The following A2M variants were observed in gnomAD, a reference collection of about 807,000 sequenced individuals.
A2M encodes the protein C3 and PZP-like alpha-2-macroglobulin domain-containing protein 5.
Under a neutral mutation model 183.9 loss-of-function variants are expected in A2M, and 128 were observed. The observed-to-expected ratio is 0.70, with a 90% CI of 0.60 to 0.81. A2M has a LOEUF of 0.81. A2M is among the 30% of genes least tolerant of loss of function. The probability of loss-of-function intolerance (pLI) is 0.00; values close to 1 mark genes in which losing one functional copy is unlikely to be tolerated. For synonymous variants in A2M, 592 were observed against 670.8 expected, an observed-to-expected ratio of 0.88 and a Z score of 1.81; for missense variants, 1,495 against 1,787.6, an observed-to-expected ratio of 0.84 and a Z score of 2.95.
intron 1 of A2M, among the ~76,000 whole-genome samples, chr12:9,114,550 T>C (rs1178691164): frequency 6.6e-6 from 1 of 152,098 alleles, no homozygotes; most frequent in Non-Finnish European, 1.5e-5. Context: ...ATTTAATATC[T>C]TTCTCTTCTT....
At chr12:9,110,600 G>GATA (rs1297242441) in intron 4 of A2M, among the ~76,000 whole-genome samples, 1 of 151,456 alleles carries the variant, frequency 6.6e-6, no homozygotes. Flanking sequence ...TAATGATATG[G>GATA]ATAATGATAA....
chr12:9,091,505 T>G, intron 18 of A2M, 76 bp from the exon 19 acceptor site: 2 of 1,442,940 alleles, frequency 1.4e-6, no homozygotes, highest in Non-Finnish European at 1.9e-6. Context: ...TCCCTAGGAA[T>G]GATTCTACTG....
Position 9,079,666 on chromosome 12 carries a change from A to G in A2M, c.3004T>C (p.Ser1002Pro), listed in dbSNP as rs765234109. ...GTGTTGAGATAGCCAATGGCCTTGG[A>G]CTTGATCTCTGGAGTAAGCTGCTGT... ...ETQQLTPEIKSKAIGYLNTGY... is the reference protein window; with the variant it reads ...ETQQLTPEIKPKAIGYLNTGY... Residue 1002 changes from serine to proline, a missense_variant, in exon 24 of 36, where the codon TCC becomes CCC. By Grantham distance (74) the Ser-to-Pro change is moderately conservative. Coordinates refer to ENST00000318602, the MANE Select transcript of A2M (RefSeq NM_000014.6). 2.5e-6 allele frequency: 4 copies of G among 1,613,542 alleles called. No homozygotes were observed. The highest frequency in any genetic ancestry group is 3.4e-6 in the Non-Finnish European group (4 of 1,179,706).
intron 15 of A2M, among the ~76,000 whole-genome samples, chr12:9,097,871 T>G (rs226400): frequency 0.56 from 84,676 of 151,608 alleles, 25,190 homozygotes; most frequent in African/African-American, 0.76. Flanking sequence ...GATCTCAAGT[T>G]ATCTGCCTGC....
At position 9,079,411 on chromosome 12, in the gene A2M, C is replaced by A. The variant is rs1481266918; in HGVS notation, c.3032-80G>T. 9 of 1,398,906 alleles carry A rather than the reference C, an allele frequency of 6.4e-6. No individual in the cohort carries two copies. The African/African-American group carries it at 1.1e-4, about 18-fold the overall frequency. The allele number at this position is 1,398,906 out of a possible 1,614,324, so 86.7% of individuals were successfully genotyped here. On this transcript the variant is annotated intron_variant, in intron 24 of 35. Coordinates refer to ENST00000318602, the MANE Select transcript of A2M (RefSeq NM_000014.6). ...GGAGAAATTACTAAAAGTACCTTGG[C>A]TTCTCTTGTGACATTTCTTAAATTT... is the stretch of plus-strand genomic sequence containing the variant.
chr12:9,108,431 A>C (rs1221755578), intron 7 of A2M, among the ~76,000 whole-genome samples: 1 of 152,146 alleles, frequency 6.6e-6, no homozygotes, highest in Admixed American at 6.5e-5. Flanking sequence ...GGGCCTGTTT[A>C]CTTTTTTACA....
At chr12:9,093,891 T>TCAAACAAACAAA (rs3832851) in intron 17 of A2M, among the ~76,000 whole-genome samples, 41 of 150,904 alleles carry the variant, frequency 2.7e-4, no homozygotes, top group African/African-American at 8.6e-4. Flanking sequence ...AGACTTCGTC[T>TCAAACAAACAAA]CAAACAAACA....
chr12:9,091,531 A>C, intron 18 of A2M, 102 bp from the exon 19 acceptor site: 5 of 1,198,082 alleles, frequency 4.2e-6, no homozygotes, highest in Non-Finnish European at 5.9e-6. Context: ...ACTTAAAAAC[A>C]CTCAATAGAA....
In A2M at chr12:9,077,773, T is replaced by C. The variant is rs1375025573; in HGVS notation, c.3204A>G (p.Ile1068Met). 5.0e-6 allele frequency: 8 copies of C among 1,614,026 alleles called. No individual in the cohort carries two copies. The highest frequency in any genetic ancestry group is 6.8e-6 in the Non-Finnish European group (8 of 1,180,014). The stretch of plus-strand genomic sequence containing the variant: ...TGTCCTTCTGCCTCTGGGAGAGCCA[T>C]ATGAGGGCTTGGGTAATGTGTGCTT... ...IDEAHITQALIWLSQRQKDNG... is the reference protein window; with the variant it reads ...IDEAHITQALMWLSQRQKDNG... Residue 1068 changes from isoleucine to methionine, a missense_variant, in exon 26 of 36, where the codon ATA (isoleucine) becomes ATG (methionine). Physicochemically the swap from Ile to Met is conservative, Grantham distance 10. Transcript: ENST00000318602.
At chr12:9,079,460 T>C in intron 24 of A2M, 129 bp from the exon 25 acceptor site, 1 of 1,155,778 alleles carries the variant, frequency 8.7e-7, no homozygotes, top group Non-Finnish European at 1.3e-6. Context: ...TAGGAGTTTC[T>C]GAGCCTTAAA....
At chr12:9,087,954 GA>G (rs778826675) in intron 22 of A2M, among the ~76,000 whole-genome samples, 1 of 151,960 alleles carries the variant, frequency 6.6e-6, no homozygotes, top group African/African-American at 2.4e-5. Flanking sequence ...GTGAATAGTT[GA>G]AAAAACCAAT....
At chr12:9,095,980 C>T (rs901661142) in intron 15 of A2M, among the ~76,000 whole-genome samples, 29 of 151,024 alleles carry the variant, frequency 1.9e-4, no homozygotes, top group African/African-American at 6.6e-4. Context: ...AGGATGGTCT[C>T]GATCTCCTGA....
intron 18 of A2M, among the ~76,000 whole-genome samples, chr12:9,092,567 C>T (rs753172425): frequency 3.9e-5 from 6 of 152,152 alleles, no homozygotes; most frequent in African/African-American, 7.2e-5. Context: ...ATGGCCATTC[C>T]GGCTCTTTCT....
At chr12:9,107,422 C>A in intron 8 of A2M, 102 bp downstream of exon 8, 1 of 1,396,978 alleles carries the variant, frequency 7.2e-7, no homozygotes, top group Non-Finnish European at 9.7e-7. Flanking sequence ...ATGGAATTCT[C>A]TTCTAGATTG....
chr12:9,068,015 G>T, intron 35 of A2M, 168 bp downstream of exon 35: 2 of 976,402 alleles, frequency 2.0e-6, no homozygotes, highest in Non-Finnish European at 3.1e-6. Context: ...TCTGAGGTTT[G>T]ACAGAGTCAG....
intron 7 of A2M, among the ~76,000 whole-genome samples, chr12:9,108,431 A>G (rs1221755578): frequency 6.6e-6 from 1 of 152,146 alleles, no homozygotes; most frequent in Non-Finnish European, 1.5e-5. Flanking sequence ...GGGCCTGTTT[A>G]CTTTTTTACA....
chr12:9,110,977 G>A (rs1408025909), intron 4 of A2M, among the ~76,000 whole-genome samples: 4 of 152,116 alleles, frequency 2.6e-5, no homozygotes, highest in Non-Finnish European at 5.9e-5. Context: ...TTTACAGGTT[G>A]AGAAATAAAC....
intron 15 of A2M, 94 bp from the exon 16 acceptor site, chr12:9,095,794 C>T: frequency 8.7e-7 from 1 of 1,147,528 alleles, no homozygotes; most frequent in South Asian, 1.6e-5. Context: ...GCTCTGTCGC[C>T]CAGGCCGGAC....
chr12:9,102,160 C>T (rs1937915498), intron 11 of A2M, among the ~76,000 whole-genome samples: 1 of 152,164 alleles, frequency 6.6e-6, no homozygotes, highest in African/African-American at 2.4e-5. Context: ...GGTTTAAGAG[C>T]TGAGCTGATG....
Sources: allele counts gnomAD v4.1 joint callset (sites outside exome capture counted in the v4.1 genomes callset), GRCh38; gene constraint gnomAD v4.1.1; transcripts MANE v1.5; gene names NCBI Gene and HGNC (gene_info 2026-07-23, HGNC 2026-07-21).